The following YTHDF3 variants were observed in gnomAD, a reference collection of about 807,000 sequenced individuals.
The protein encoded by YTHDF3 is YTH domain-containing family protein 3.
A neutral mutation model predicts 52.5 loss-of-function variants in YTHDF3; 9 were observed. The observed-to-expected ratio is 0.17, with a 90% CI of 0.10 to 0.30. The LOEUF (loss-of-function observed/expected upper bound fraction) is 0.30, where lower values mean the gene tolerates loss of function less well. Ranked by LOEUF, YTHDF3 falls within the 10% of genes least tolerant of loss-of-function variation. The pLI is 1.00. For synonymous variants in YTHDF3, 274 were observed against 243.3 expected (o/e 1.13, Z -1.18); for missense variants, 534 against 715.0 (o/e 0.75, Z 2.89).
rs538436814 is a variant in YTHDF3, at chr8:63,210,782, G to A, written c.*1076G>A. On this transcript the variant is annotated 3_prime_UTR_variant, in exon 5 of 5. Transcript: ENST00000539294. ...TGTTTTATTGATCAGATCTATATAA[G>A]TGGGAATACAGCATATATCTGGATA... 61 of 152,644 alleles carry A rather than the reference G, an allele frequency of 4.0e-4. No homozygotes were observed. Among genetic ancestry groups the A allele is most frequent in the African/African-American group, 1.4e-3 (59 of 41,564 alleles). The allele number at this position is 152,644 out of a possible 1,614,324, so 9.5% of individuals were successfully genotyped here.
At chr8:63,194,440 G>A (rs906631200) in intron 4 of YTHDF3, among the ~76,000 whole-genome samples, 6 of 152,150 alleles carry the variant, frequency 3.9e-5, no homozygotes, top group Admixed American at 2.0e-4. Flanking sequence ...AGGCGAGTTC[G>A]TGCTATTGCA....
rs964361094 is a variant in YTHDF3 at position 63,209,859 on chromosome 8, T to G, written c.*153T>G. 5 of 727,656 alleles carry G rather than the reference T, an allele frequency of 6.9e-6. No individual in the cohort carries two copies. In the African/African-American group the frequency reaches 9.0e-5, roughly 13 times the overall value. The allele number at this position is 727,656 out of a possible 1,614,324, so 45.1% of individuals were successfully genotyped here. On this transcript the variant is annotated 3_prime_UTR_variant, in exon 5 of 5. Coordinates refer to ENST00000539294, the MANE Select transcript of YTHDF3 (RefSeq NM_152758.6). ...AAGTTGACTCTTCTCGTAATGGTTT[T>G]CATCAGCGCATCTGCCCTTATACTC...
intron 4 of YTHDF3, among the ~76,000 whole-genome samples, chr8:63,190,246 A>G (rs1402557114): frequency 6.6e-6 from 1 of 151,954 alleles, no homozygotes; most frequent in Non-Finnish European, 1.5e-5. Flanking sequence ...ATACATGGCA[A>G]GGAAATACCA....
At chr8:63,202,026 A>G (rs1423320583) in intron 4 of YTHDF3, among the ~76,000 whole-genome samples, 2 of 152,208 alleles carry the variant, frequency 1.3e-5, no homozygotes, top group Non-Finnish European at 2.9e-5. Flanking sequence ...TCCCTCATTC[A>G]ACAGATAAAT....
chr8:63,194,342 G>T (rs965075111), intron 4 of YTHDF3, among the ~76,000 whole-genome samples: 2 of 152,024 alleles, frequency 1.3e-5, no homozygotes, highest in African/African-American at 4.8e-5. Context: ...AAAATTAGCC[G>T]GGCATGGTGG....
At chr8:63,187,790 TG>T (rs1808624279) in intron 4 of YTHDF3, 45 bp downstream of exon 4, 3 of 1,518,258 alleles carry the variant, frequency 2.0e-6, no homozygotes, top group Non-Finnish European at 2.6e-6. Context: ...GTATTGCTGG[TG>T]GGGTGCATGG....
In YTHDF3 at chr8:63,181,303, T is replaced by G. The variant is rs148913358; in HGVS notation, c.136-4844T>G. 3.8e-3 allele frequency among the ~76,000 whole-genome samples: 584 copies of G among 152,340 alleles called. 6 individuals are homozygous for G. Among genetic ancestry groups the G allele is most frequent in the African/African-American group, 0.014 (566 of 41,576 alleles). ...GATTTTCTAACTAGTAATTCTATAC[T>G]GCCACTCAGCAGTCTTAAAATCCCA... On this transcript the variant is annotated intron_variant, in intron 3 of 4. Coordinates refer to ENST00000539294, the MANE Select transcript of YTHDF3 (RefSeq NM_152758.6).
At chr8:63,196,011 A>C (rs1357491494) in intron 4 of YTHDF3, among the ~76,000 whole-genome samples, 1 of 152,000 alleles carries the variant, frequency 6.6e-6, no homozygotes, top group Non-Finnish European at 1.5e-5. Flanking sequence ...CATGTCGCCC[A>C]GGTTGGTTTA....
chr8:63,181,906 T>C (rs1161336669), intron 3 of YTHDF3, among the ~76,000 whole-genome samples: 2 of 152,332 alleles, frequency 1.3e-5, no homozygotes, highest in East Asian at 3.9e-4. Context: ...ACATTTTTCT[T>C]ATGACATGAT....
intron 3 of YTHDF3, among the ~76,000 whole-genome samples, chr8:63,184,325 T>C (rs1404990219): frequency 6.6e-6 from 1 of 152,244 alleles, no homozygotes; most frequent in Non-Finnish European, 1.5e-5. Flanking sequence ...TTTTGGTTTT[T>C]AAGTCCAAGC....
chr8:63,176,151 T>G (rs1328880690), intron 3 of YTHDF3, among the ~76,000 whole-genome samples: 1 of 152,168 alleles, frequency 6.6e-6, no homozygotes, highest in Non-Finnish European at 1.5e-5. Flanking sequence ...TAGAAATAAA[T>G]GAAAAAATAC....
chr8:63,203,058 A>G (rs1303783134), intron 4 of YTHDF3, among the ~76,000 whole-genome samples: 1 of 152,040 alleles, frequency 6.6e-6, no homozygotes, highest in East Asian at 1.9e-4. Flanking sequence ...CGTGGCCATC[A>G]TGGTGAAAAC....
chr8:63,182,207 A>G (rs938358413), intron 3 of YTHDF3, among the ~76,000 whole-genome samples: 7 of 146,990 alleles, frequency 4.8e-5, no homozygotes, highest in Admixed American at 6.8e-5. Context: ...AGCTGAGTCT[A>G]CAGGCGTGCA....
In YTHDF3 at chr8:63,186,849, G is replaced by A; in HGVS notation, c.838G>A (p.Asp280Asn). The change falls in exon 4 of 5, where the codon GAT becomes AAT. Residue 280 changes from aspartate to asparagine, a missense_variant. By Grantham distance (23) the Asp-to-Asn change is conservative. Coordinates refer to ENST00000539294, the MANE Select transcript of YTHDF3 (RefSeq NM_152758.6). ...IKHNMNIGTW[D>N]EKGSVVKAPP... The stretch of plus-strand genomic sequence containing the variant: ...ACACAACATGAATATTGGAACTTGG[G>A]ATGAAAAAGGGTCAGTGGTAAAGGC... 2 of 1,613,920 alleles carry A rather than the reference G, an allele frequency of 1.2e-6. No homozygotes were observed. Among genetic ancestry groups the A allele is most frequent in the Non-Finnish European group, 8.5e-7 (1 of 1,179,898 alleles).
chr8:63,170,830 G>A (rs1807274999), intron 2 of YTHDF3, among the ~76,000 whole-genome samples: 1 of 152,110 alleles, frequency 6.6e-6, no homozygotes, highest in African/African-American at 2.4e-5. Flanking sequence ...CAAGTTCTAT[G>A]AGGTACTTGT....
At chr8:63,197,785 C>CT (rs1315326201) in intron 4 of YTHDF3, among the ~76,000 whole-genome samples, 3 of 152,104 alleles carry the variant, frequency 2.0e-5, no homozygotes, top group Non-Finnish European at 4.4e-5. Context: ...AGAAAAAGAA[C>CT]TAATAAAAAT....
intron 2 of YTHDF3, among the ~76,000 whole-genome samples, chr8:63,174,825 A>G (rs1009708765): frequency 6.6e-6 from 1 of 152,206 alleles, no homozygotes; most frequent in African/African-American, 2.4e-5. Flanking sequence ...ATTTTAGCCT[A>G]AACTTTACTG....
chr8:63,168,809 A>T lies in YTHDF3; in HGVS notation c.-69A>T. On this transcript the variant is annotated 5_prime_UTR_variant, in exon 1 of 5. Coordinates refer to ENST00000539294, the MANE Select transcript of YTHDF3 (RefSeq NM_152758.6). ...ATCACTCGGCCAAGGGCGACAGCCA[A>T]CTGCTGTGAGTGCACGGGGAGAGGC... is the stretch of plus-strand genomic sequence containing the variant. 1 of 1,549,748 alleles carries T rather than the reference A, an allele frequency of 6.5e-7. No homozygotes were observed.
At chr8:63,170,760 A>G (rs1807270337) in intron 2 of YTHDF3, among the ~76,000 whole-genome samples, 1 of 152,168 alleles carries the variant, frequency 6.6e-6, no homozygotes, top group South Asian at 2.1e-4. Flanking sequence ...GGGAGGTGGC[A>G]CTTTGCAAAG....
Sources: gnomAD v4.1 joint callset for allele counts (sites outside exome capture counted in the v4.1 genomes callset) on GRCh38, gnomAD v4.1.1 for gene constraint, MANE v1.5 for transcripts, NCBI Gene and HGNC (gene_info 2026-07-23, HGNC 2026-07-21) for gene names.